The following ULK4 variants were observed in gnomAD, a reference collection of about 807,000 sequenced individuals.
ULK4 encodes inactive serine/threonine-protein kinase ULK4.
Under a neutral mutation model 160.6 loss-of-function variants are expected in ULK4, and 133 were observed. That is an observed-to-expected ratio of 0.83 (90% CI 0.72 to 0.96). ULK4 has a LOEUF of 0.96. Among genes scored for constraint, ULK4 ranks in the 40% least tolerant of loss-of-function variants. The probability of loss-of-function intolerance (pLI) is 0.00; values close to 1 mark genes in which losing one functional copy is unlikely to be tolerated. For missense variants in ULK4, 1,580 were observed against 1,499.5 expected (o/e 1.05, Z -0.89); for synonymous variants, 534 against 539.8 (o/e 0.99, Z 0.15).
At chr3:41,694,440 G>A (rs1258177112) in intron 27 of ULK4, among the ~76,000 whole-genome samples, 1 of 152,106 alleles carries the variant, frequency 6.6e-6, no homozygotes, top group Non-Finnish European at 1.5e-5. Context: ...TGGGTAGAGG[G>A]GAGTCTCACA....
chr3:41,288,080 G>C (rs985921042), intron 35 of ULK4, among the ~76,000 whole-genome samples: 3 of 152,162 alleles, frequency 2.0e-5, no homozygotes, highest in Non-Finnish European at 4.4e-5. Context: ...GATTTCTTTG[G>C]TGAGGATGAG....
intron 19 of ULK4, among the ~76,000 whole-genome samples, chr3:41,806,288 T>C (rs1397223915): frequency 1.3e-5 from 2 of 151,854 alleles, no homozygotes; most frequent in Non-Finnish European, 2.9e-5. Flanking sequence ...GTTTGTAGTA[T>C]TCTCTGATGG....
intron 30 of ULK4, among the ~76,000 whole-genome samples, chr3:41,648,054 G>A (rs943320211): frequency 2.0e-5 from 3 of 152,192 alleles, no homozygotes; most frequent in Non-Finnish European, 2.9e-5. Flanking sequence ...TCGGAAAAGC[G>A]CAGTATTCTG....
chr3:41,802,745 CTATA>C (rs1428736456), intron 19 of ULK4, among the ~76,000 whole-genome samples: 3 of 152,050 alleles, frequency 2.0e-5, no homozygotes, highest in Admixed American at 6.6e-5. Context: ...TTGCATATCA[CTATA>C]TACATCATAA....
intron 35 of ULK4, among the ~76,000 whole-genome samples, chr3:41,387,480 A>G (rs1372244138): frequency 1.3e-5 from 2 of 151,958 alleles, no homozygotes; most frequent in Non-Finnish European, 2.9e-5. Flanking sequence ...CCATCAACTC[A>G]TCCTTTAACA....
At chr3:41,754,106 G>A (rs2038716460) in intron 22 of ULK4, among the ~76,000 whole-genome samples, 1 of 152,088 alleles carries the variant, frequency 6.6e-6, no homozygotes, top group Admixed American at 6.5e-5. Context: ...TATAATTCAA[G>A]GTGAGATTTG....
intron 35 of ULK4, among the ~76,000 whole-genome samples, chr3:41,370,151 T>C (rs1186804905): frequency 6.6e-6 from 1 of 151,960 alleles, no homozygotes; most frequent in Non-Finnish European, 1.5e-5. Flanking sequence ...AAGATCCATG[T>C]AGAGTTTATA....
chr3:41,514,009 T>C (rs1265694643), intron 32 of ULK4, among the ~76,000 whole-genome samples: 1 of 152,234 alleles, frequency 6.6e-6, no homozygotes, highest in Non-Finnish European at 1.5e-5. Context: ...AATGCCCTTT[T>C]CATAAAACTG....
At position 41,811,839 on chromosome 3, in the gene ULK4, T is replaced by C. The variant is rs550308866; in HGVS notation, c.1848+7584A>G. On this transcript the variant is annotated intron_variant, in intron 19 of 36. Coordinates refer to ENST00000301831, the MANE Select transcript of ULK4 (RefSeq NM_017886.4). Reference sequence around the variant, plus strand: ...CCTGCGTCATGTTGTGGTTACGCTTTGGGAGAGGAAGCTATAATCTTATAC... The same window carrying C: ...CCTGCGTCATGTTGTGGTTACGCTTCGGGAGAGGAAGCTATAATCTTATAC... 8.5e-5 allele frequency among the ~76,000 whole-genome samples: 13 copies of C among 152,324 alleles called. No homozygotes were observed. The East Asian group carries it at 2.5e-3, about 29-fold the overall frequency.
intron 22 of ULK4, among the ~76,000 whole-genome samples, chr3:41,721,387 G>A (rs1460971291): frequency 6.6e-5 from 6 of 90,618 alleles, no homozygotes; most frequent in East Asian, 3.2e-4. Context: ...TTTTTGAAAC[G>A]GAATCTCACT....
intron 21 of ULK4, among the ~76,000 whole-genome samples, chr3:41,770,517 T>TTC (rs2039317720): frequency 6.6e-6 from 1 of 151,436 alleles, no homozygotes; most frequent in African/African-American, 2.4e-5. Flanking sequence ...ATACTTTTTT[T>TTC]TTTTTTTTTT....
At chr3:41,711,794 A>G (rs547920142) in intron 25 of ULK4, among the ~76,000 whole-genome samples, 1 of 152,386 alleles carries the variant, frequency 6.6e-6, no homozygotes, top group Non-Finnish European at 1.5e-5. Context: ...TTAGGTTAAT[A>G]CACATCATGA....
At chr3:41,419,248 T>C (rs898283073) in intron 34 of ULK4, among the ~76,000 whole-genome samples, 3 of 152,080 alleles carry the variant, frequency 2.0e-5, no homozygotes, top group Non-Finnish European at 4.4e-5. Context: ...GTGTGCTCGG[T>C]GTTTCTGAGG....
intron 32 of ULK4, among the ~76,000 whole-genome samples, chr3:41,548,170 CCCATGTGCA>C (rs1259879883): frequency 6.6e-6 from 1 of 152,154 alleles, no homozygotes; most frequent in Non-Finnish European, 1.5e-5. Flanking sequence ...ATAGCCTGTG[CCCATGTGCA>C]CCATTAGAAA....
At chr3:41,427,021 CAAAT>C (rs897945808) in intron 34 of ULK4, among the ~76,000 whole-genome samples, 8 of 151,588 alleles carry the variant, frequency 5.3e-5, no homozygotes, top group African/African-American at 1.9e-4. Flanking sequence ...AATAGCTAGA[CAAAT>C]AAAGAAGAAA....
intron 35 of ULK4, among the ~76,000 whole-genome samples, chr3:41,371,539 C>A (rs927636153): frequency 2.0e-5 from 3 of 152,150 alleles, no homozygotes; most frequent in Non-Finnish European, 4.4e-5. Context: ...CTCCTGCTGA[C>A]GAGCAGAAGA....
chr3:41,849,758 A>T (rs1336356052), intron 17 of ULK4, among the ~76,000 whole-genome samples: 1 of 152,148 alleles, frequency 6.6e-6, no homozygotes, highest in African/African-American at 2.4e-5. Flanking sequence ...GGTATATGAG[A>T]TGTCTTTGTG....
intron 35 of ULK4, among the ~76,000 whole-genome samples, chr3:41,374,808 A>T (rs765502520): frequency 6.6e-5 from 10 of 152,202 alleles, no homozygotes; most frequent in African/African-American, 9.7e-5. Context: ...AAGAGAAAGA[A>T]ATAAAGGGTA....
intron 35 of ULK4, among the ~76,000 whole-genome samples, chr3:41,329,656 C>T (rs1399459863): frequency 1.3e-5 from 2 of 152,158 alleles, no homozygotes; most frequent in Non-Finnish European, 2.9e-5. Context: ...AGCTCTACCT[C>T]ATTATTTTTA....
Sources: allele counts gnomAD v4.1 joint callset (sites outside exome capture counted in the v4.1 genomes callset), GRCh38; gene constraint gnomAD v4.1.1; transcripts MANE v1.5; gene names NCBI Gene and HGNC (gene_info 2026-07-23, HGNC 2026-07-21).